The following LIMD1 variants were observed in gnomAD, a reference collection of about 807,000 sequenced individuals.
LIMD1 encodes LIM domain containing 1, also known as LIM domain-containing protein 1.
A neutral mutation model predicts 58.4 loss-of-function variants in LIMD1; 23 were observed. That is an observed-to-expected ratio of 0.39 (90% CI 0.28 to 0.56). The LOEUF is 0.56. Ranked by LOEUF, LIMD1 falls within the 20% of genes least tolerant of loss-of-function variation. The pLI is 0.57. For synonymous variants in LIMD1, 334 were observed against 345.5 expected, an observed-to-expected ratio of 0.97 and a Z score of 0.37; for missense variants, 838 against 855.5, an observed-to-expected ratio of 0.98 and a Z score of 0.25.
intron 1 of LIMD1, among the ~76,000 whole-genome samples, chr3:45,610,695 G>A (rs1701515091): frequency 6.6e-6 from 1 of 152,164 alleles, no homozygotes. Flanking sequence ...CTGTACCTCA[G>A]TTTCCCCATC....
At chr3:45,652,534 A>G (rs917598421) in intron 2 of LIMD1, among the ~76,000 whole-genome samples, 4 of 152,160 alleles carry the variant, frequency 2.6e-5, no homozygotes, top group African/African-American at 4.8e-5. Flanking sequence ...TATTCTTTCA[A>G]TCTTCTGAGC....
intron 2 of LIMD1, among the ~76,000 whole-genome samples, chr3:45,662,305 G>GCA (rs568110387): frequency 4.6e-4 from 70 of 151,912 alleles, no homozygotes; most frequent in Admixed American, 7.2e-4. Context: ...GTGTGTGCGC[G>GCA]TGTAAAACCT....
At chr3:45,638,562 C>T (rs574825449) in intron 2 of LIMD1, among the ~76,000 whole-genome samples, 1 of 152,134 alleles carries the variant, frequency 6.6e-6, no homozygotes, top group Non-Finnish European at 1.5e-5. Context: ...TGATGGGCAC[C>T]TAGGTTGATT....
intron 1 of LIMD1, among the ~76,000 whole-genome samples, chr3:45,627,779 G>T (rs1380671469): frequency 6.6e-6 from 1 of 151,066 alleles, no homozygotes; most frequent in Non-Finnish European, 1.5e-5. Context: ...AGGCCGAGGC[G>T]GGTGGATCAC....
intron 2 of LIMD1, among the ~76,000 whole-genome samples, chr3:45,644,466 T>C (rs1701880462): frequency 6.6e-6 from 1 of 152,186 alleles, no homozygotes; most frequent in South Asian, 2.1e-4. Flanking sequence ...ATAGATAATT[T>C]TGGGTAAGCT....
intron 2 of LIMD1, among the ~76,000 whole-genome samples, chr3:45,646,810 T>A (rs917800141): frequency 6.6e-6 from 1 of 151,740 alleles, no homozygotes; most frequent in Non-Finnish European, 1.5e-5. Flanking sequence ...CCTCAGTCCC[T>A]TTAGTCCCCT....
At chr3:45,675,224 G>C (rs751073133) in intron 7 of LIMD1, among the ~76,000 whole-genome samples, 7 of 152,320 alleles carry the variant, frequency 4.6e-5, no homozygotes, top group Non-Finnish European at 8.8e-5. Context: ...TTCTAGACCA[G>C]TGCTATCCAA....
chr3:45,636,164 T>C lies in LIMD1; in HGVS notation c.1423T>C (p.Cys475Arg), dbSNP rs1464286738. The C allele has an allele frequency of 2.5e-6, 4 of 1,612,774 alleles. No individual in the cohort carries two copies. The change falls in exon 2 of 8, where the codon TGC (cysteine) becomes CGC (arginine). Residue 475 changes from cysteine (C) to arginine (R), a missense_variant. Physicochemically the swap from Cys to Arg is radical, Grantham distance 180 (BLOSUM62 -3). Coordinates refer to ENST00000273317, the MANE Select transcript of LIMD1 (RefSeq NM_014240.3). Reference protein sequence around the residue: ...KADYFGACVKCSKGVFGAGQA... With the variant: ...KADYFGACVKRSKGVFGAGQA... ...TGTCCTGCAAGGAGCCTGTGTGAAA[T>C]GCAGCAAAGGGGTGTTTGGGGCTGG...
chr3:45,656,680 G>T (rs191948636), intron 2 of LIMD1, among the ~76,000 whole-genome samples: 381 of 152,160 alleles, frequency 2.5e-3, no homozygotes, highest in Non-Finnish European at 4.0e-3. Flanking sequence ...ACCACACCCA[G>T]CTGGTTTTTG....
At chr3:45,672,929 A>G in intron 5 of LIMD1, 109 bp downstream of exon 5, 2 of 1,331,010 alleles carry the variant, frequency 1.5e-6, no homozygotes, top group Non-Finnish European at 2.1e-6. Flanking sequence ...CCCTTAGATC[A>G]CAGTCCAGCA....
rs1701324428 is a variant in LIMD1, at chr3:45,594,856, T to C, written c.-24T>C. ...ACACACACACACACGGCACCTGGGC[T>C]AGGCCCGGACACCTGTCTGCAGCAT... On this transcript the variant is annotated 5_prime_UTR_variant, in exon 1 of 8. Transcript: ENST00000273317. 1 of 1,489,412 alleles carries C rather than the reference T, an allele frequency of 6.7e-7. No individual in the cohort carries two copies. 92.3% of individuals were successfully genotyped at this position (1,489,412 alleles called of 1,614,324 possible). A position where few individuals can be genotyped will look rare whatever the true frequency, so the allele number is the denominator to read the frequency against.
intron 1 of LIMD1, among the ~76,000 whole-genome samples, chr3:45,615,613 G>A (rs770997509): frequency 1.2e-4 from 18 of 152,160 alleles, no homozygotes; most frequent in Non-Finnish European, 2.6e-4. Context: ...AAAATTAGCC[G>A]GGCAAGGTGG....
intron 1 of LIMD1, among the ~76,000 whole-genome samples, chr3:45,596,909 T>C (rs1365538219): frequency 6.7e-6 from 1 of 149,882 alleles, no homozygotes; most frequent in Non-Finnish European, 1.5e-5. Flanking sequence ...TAGCCCAGGC[T>C]AGAGTGCAGT....
chr3:45,666,470 C>T (rs1266876701), intron 3 of LIMD1, among the ~76,000 whole-genome samples: 1 of 152,194 alleles, frequency 6.6e-6, no homozygotes, highest in Non-Finnish European at 1.5e-5. Flanking sequence ...CTCAGAAGCT[C>T]TCCGAGGTCT....
At chr3:45,664,692 T>C (rs553087301) in intron 2 of LIMD1, among the ~76,000 whole-genome samples, 3 of 152,386 alleles carry the variant, frequency 2.0e-5, no homozygotes, top group African/African-American at 7.2e-5. Context: ...TGCCTTGCGC[T>C]GCTTTGCCTC....
Position 45,673,604 on chromosome 3 carries a change from A to G in LIMD1, c.1824+99A>G, listed in dbSNP as rs547587890. 24 of 1,044,536 alleles carry G rather than the reference A, an allele frequency of 2.3e-5. No individual in the cohort carries two copies. In the African/African-American group the frequency reaches 3.4e-4, roughly 15 times the overall value. The allele number at this position is 1,044,536 out of a possible 1,614,324, so 64.7% of individuals were successfully genotyped here. ...CCATGTCCTGTCCTTACAGCTTTTA[A>G]GGTATCCTTTTAAAAATCTCAACTC... On this transcript the variant is annotated intron_variant, in intron 6 of 7. Coordinates refer to ENST00000273317, the MANE Select transcript of LIMD1 (RefSeq NM_014240.3).
intron 1 of LIMD1, among the ~76,000 whole-genome samples, chr3:45,601,669 A>T (rs1331139008): frequency 6.6e-6 from 1 of 152,196 alleles, no homozygotes; most frequent in African/African-American, 2.4e-5. Flanking sequence ...GTTTTGATGT[A>T]GGCACCATTC....
chr3:45,655,793 C>T (rs1702021642), intron 2 of LIMD1, among the ~76,000 whole-genome samples: 1 of 152,186 alleles, frequency 6.6e-6, no homozygotes, highest in African/African-American at 2.4e-5. Context: ...CAGCAGCTCC[C>T]TAGTGTTACG....
chr3:45,606,352 C>T (rs1358881226), intron 1 of LIMD1, among the ~76,000 whole-genome samples: 1 of 152,204 alleles, frequency 6.6e-6, no homozygotes, highest in African/African-American at 2.4e-5. Context: ...TCAGGGGCTA[C>T]TGTGGCTAGG....
Sources: gnomAD v4.1 joint callset for allele counts (sites outside exome capture counted in the v4.1 genomes callset) on GRCh38, gnomAD v4.1.1 for gene constraint, MANE v1.5 for transcripts, NCBI Gene and HGNC (gene_info 2026-07-23, HGNC 2026-07-21) for gene names.